NDRG1: variants seen among roughly 807,000 people sequenced by gnomAD.
NDRG1 encodes protein NDRG1.
A neutral mutation model predicts 56.9 loss-of-function variants in NDRG1; 32 were observed. The observed-to-expected ratio is 0.56, with a 90% confidence interval of 0.42 to 0.76. The LOEUF is 0.76. Ranked by LOEUF, NDRG1 falls within the 30% of genes least tolerant of loss-of-function variation. The pLI is 0.00. For synonymous variants in NDRG1, 211 were observed against 204.1 expected, an observed-to-expected ratio of 1.03 and a Z score of -0.29; for missense variants, 507 against 545.7, an observed-to-expected ratio of 0.93 and a Z score of 0.71.
chr8:133,238,668 T>A lies in NDRG1; in HGVS notation c.*210A>T. 1.6e-6 allele frequency: 1 copy of A among 622,392 alleles called. No individual in the cohort carries two copies. The highest frequency in any genetic ancestry group is 2.1e-5 in the South Asian group (1 of 48,074). The allele number at this position is 622,392 out of a possible 1,614,324, so 38.6% of individuals were successfully genotyped here. Reference sequence around the variant, plus strand: ...GAGGATGCGATGCGGAGATGCTTGCTTCCTTCCTTTGGTCCACCGCCACCC... The same window carrying A: ...GAGGATGCGATGCGGAGATGCTTGCATCCTTCCTTTGGTCCACCGCCACCC... On this transcript the variant is annotated 3_prime_UTR_variant, in exon 16 of 16. Coordinates refer to ENST00000323851, the MANE Select transcript of NDRG1 (RefSeq NM_006096.4).
intron 2 of NDRG1, among the ~76,000 whole-genome samples, chr8:133,281,591 C>T (rs899301158): frequency 1.3e-5 from 2 of 152,068 alleles, no homozygotes; most frequent in African/African-American, 2.4e-5. Flanking sequence ...AAAACTGAGC[C>T]CCAGCCTCAC....
intron 3 of NDRG1, among the ~76,000 whole-genome samples, chr8:133,278,785 C>T (rs962783774): frequency 8.5e-5 from 13 of 152,082 alleles, no homozygotes; most frequent in African/African-American, 2.7e-4. Flanking sequence ...GCAAGGGGAG[C>T]ACTCAGGGCT....
intron 8 of NDRG1, chr8:133,255,749 T>C (rs1019393313): frequency 7.5e-5 from 13 of 172,580 alleles, no homozygotes; most frequent in Non-Finnish European, 1.0e-4. Flanking sequence ...CTTCAAACCA[T>C]CGGTCCCTGG....
intron 3 of NDRG1, among the ~76,000 whole-genome samples, chr8:133,276,881 T>C (rs1164309085): frequency 6.6e-6 from 1 of 152,256 alleles, no homozygotes; most frequent in Admixed American, 6.5e-5. Context: ...AAGAGATATC[T>C]GTACACATGT....
Position 133,284,321 on chromosome 8 carries a change from G to A in NDRG1, c.-10C>T, listed in dbSNP as rs964039855. 6 of 1,613,910 alleles carry A rather than the reference G, an allele frequency of 3.7e-6. No homozygotes were observed. Among genetic ancestry groups the A allele is most frequent in the African/African-American group, 1.3e-5 (1 of 74,820 alleles). On this transcript the variant is annotated 5_prime_UTR_variant, in exon 2 of 16. Coordinates refer to ENST00000323851, the MANE Select transcript of NDRG1 (RefSeq NM_006096.4). ...GCATCTCCCGAGACATGTCCCTGCT[G>A]TCACCTGCCTGCAAGGAGACAAAGG... is the stretch of plus-strand genomic sequence containing the variant.
At chr8:133,271,653 G>A (rs1014021759) in intron 3 of NDRG1, among the ~76,000 whole-genome samples, 27 of 151,746 alleles carry the variant, frequency 1.8e-4, no homozygotes, top group African/African-American at 5.6e-4. Flanking sequence ...GGTGGCTCAC[G>A]CCTATAGTCC....
intron 10 of NDRG1, among the ~76,000 whole-genome samples, chr8:133,249,711 A>G (rs1218076246): frequency 1.3e-5 from 2 of 152,234 alleles, no homozygotes; most frequent in African/African-American, 4.8e-5. Flanking sequence ...ATCCACAGTG[A>G]GGATGTTACC....
chr8:133,256,535 G>C (rs1372922232), intron 8 of NDRG1, among the ~76,000 whole-genome samples: 1 of 152,186 alleles, frequency 6.6e-6, no homozygotes, highest in African/African-American at 2.4e-5. Flanking sequence ...TCAGGGACCT[G>C]TGTCCCAGTG....
rs552009000 is a variant in NDRG1 at position 133,248,098 on chromosome 8, T to C, written c.756-172A>G. 5.3e-5 allele frequency among the ~76,000 whole-genome samples: 8 copies of C among 152,370 alleles called. No homozygotes were observed. In the East Asian group the frequency reaches 1.2e-3, roughly 22 times the overall value. On this transcript the variant is annotated intron_variant, in intron 11 of 15. Coordinates refer to ENST00000323851, the MANE Select transcript of NDRG1 (RefSeq NM_006096.4). ...TTGATCTTAGGATAACATTGGTTAC[T>C]AGTCATTCACAACTTAGTATGAATT...
intron 3 of NDRG1, among the ~76,000 whole-genome samples, chr8:133,268,143 C>T (rs1434996569): frequency 2.0e-5 from 3 of 152,182 alleles, no homozygotes; most frequent in Admixed American, 6.5e-5. Context: ...TGCATAGCTG[C>T]CTGCTCTCAG....
chr8:133,288,926 T>C (rs1858279703), intron 1 of NDRG1, among the ~76,000 whole-genome samples: 1 of 152,172 alleles, frequency 6.6e-6, no homozygotes, highest in Non-Finnish European at 1.5e-5. Context: ...TCACTTCTTT[T>C]CCCATCCACC....
At chr8:133,249,538 A>G in intron 10 of NDRG1, 1 of 153,184 alleles carries the variant, frequency 6.5e-6, no homozygotes, top group South Asian at 2.1e-4. Flanking sequence ...GGGGTCAGTT[A>G]ATTACGGTGC....
chr8:133,244,311 G>T (rs764074370), intron 14 of NDRG1, 44 bp downstream of exon 14: 1 of 1,612,302 alleles, frequency 6.2e-7, no homozygotes. Flanking sequence ...TCCACCCAGG[G>T]GGAAGCGACA....
chr8:133,284,105 T>A (rs771117747), intron 2 of NDRG1, 144 bp downstream of exon 2: 23 of 757,886 alleles, frequency 3.0e-5, no homozygotes, highest in Non-Finnish European at 4.9e-5. Flanking sequence ...GTGCAGCATG[T>A]TTGTATGCCG....
chr8:133,262,589 G>A (rs1378617925), intron 4 of NDRG1, among the ~76,000 whole-genome samples: 4 of 152,170 alleles, frequency 2.6e-5, no homozygotes, highest in Non-Finnish European at 5.9e-5. Flanking sequence ...CAAACGAGGA[G>A]GAGCATGGGA....
Position 133,286,372 on chromosome 8 carries a change from C to T in NDRG1, c.-18-2043G>A, listed in dbSNP as rs760636565. The stretch of plus-strand genomic sequence containing the variant: ...TCAGTTCTCTTTGGCTTCCAGAAAC[C>T]GTGATCACATTAGGACATAGTGTCT... On this transcript the variant is annotated intron_variant, in intron 1 of 15. Coordinates refer to ENST00000323851, the MANE Select transcript of NDRG1 (RefSeq NM_006096.4). 2.6e-5 allele frequency among the ~76,000 whole-genome samples: 4 copies of T among 152,316 alleles called. No individual in the cohort carries two copies. In the South Asian group the frequency reaches 6.2e-4, roughly 24 times the overall value.
intron 14 of NDRG1, among the ~76,000 whole-genome samples, chr8:133,243,718 A>C (rs1286970522): frequency 6.6e-6 from 1 of 152,248 alleles, no homozygotes; most frequent in East Asian, 1.9e-4. Flanking sequence ...TTGGATAAAA[A>C]AGATGACAAA....
At chr8:133,277,712 A>G (rs555593070) in intron 3 of NDRG1, among the ~76,000 whole-genome samples, 1 of 152,354 alleles carries the variant, frequency 6.6e-6, no homozygotes, top group East Asian at 1.9e-4. Flanking sequence ...TGTTTCCACA[A>G]CAGCAAAAAT....
At chr8:133,266,757 C>CAGGG (rs1476615181) in intron 3 of NDRG1, among the ~76,000 whole-genome samples, 9 of 152,312 alleles carry the variant, frequency 5.9e-5, no homozygotes, top group Admixed American at 4.6e-4. Context: ...TTTGTCCCCG[C>CAGGG]AGGGACGAGT....
Sources: gnomAD v4.1 joint callset for allele counts (sites outside exome capture counted in the v4.1 genomes callset) on GRCh38, gnomAD v4.1.1 for gene constraint, MANE v1.5 for transcripts, NCBI Gene and HGNC (gene_info 2026-07-23, HGNC 2026-07-21) for gene names.